Variants in GRM5 observed in about 807,000 individuals in gnomAD.
GRM5 encodes metabotropic glutamate receptor 5.
GRM5 carries 19 observed loss-of-function variants against 83.1 expected under a neutral mutation model. The observed-to-expected ratio is 0.23, with a 90% CI of 0.16 to 0.34. The LOEUF is 0.34. Among genes scored for constraint, GRM5 ranks in the 10% least tolerant of loss-of-function variants. The pLI is 1.00. For synonymous variants in GRM5, 675 were observed against 633.6 expected (o/e 1.07, Z -0.98); for missense variants, 1,160 against 1,588.3 (o/e 0.73, Z 4.58).
intron 9 of GRM5, among the ~76,000 whole-genome samples, chr11:88,521,597 T>G: frequency 6.6e-6 from 1 of 152,296 alleles, no homozygotes; most frequent in East Asian, 1.9e-4. Flanking sequence ...CACCTCCCTG[T>G]TTAGGACTCT....
chr11:88,879,756 T>G (rs1944920897), intron 2 of GRM5, among the ~76,000 whole-genome samples: 1 of 152,086 alleles, frequency 6.6e-6, no homozygotes, highest in African/African-American at 2.4e-5. Context: ...GATGAAATGA[T>G]CAGTATGGCA....
chr11:88,621,316 A>T (rs1413035971), intron 4 of GRM5, among the ~76,000 whole-genome samples: 1 of 152,182 alleles, frequency 6.6e-6, no homozygotes, highest in Non-Finnish European at 1.5e-5. Flanking sequence ...TTTCCTGAAG[A>T]TGTGGCTTTC....
intron 2 of GRM5, among the ~76,000 whole-genome samples, chr11:89,031,600 A>T (rs1006050993): frequency 6.6e-6 from 1 of 152,014 alleles, no homozygotes; most frequent in African/African-American, 2.4e-5. Context: ...GAAAAAATGC[A>T]AACAAAAACA....
chr11:88,896,306 G>T (rs548941146), intron 2 of GRM5, among the ~76,000 whole-genome samples: 32 of 151,744 alleles, frequency 2.1e-4, no homozygotes, highest in Admixed American at 2.0e-3. Flanking sequence ...AAAGGGAAAG[G>T]CATCGTATCA....
chr11:88,787,670 G>C (rs896690450), intron 3 of GRM5, among the ~76,000 whole-genome samples: 6 of 152,042 alleles, frequency 3.9e-5, no homozygotes, highest in Non-Finnish European at 4.4e-5. Context: ...GTGATGCATG[G>C]ATATGTTTAA....
intron 3 of GRM5, among the ~76,000 whole-genome samples, chr11:88,814,546 T>C (rs1462530062): frequency 6.6e-6 from 1 of 152,188 alleles, no homozygotes; most frequent in African/African-American, 2.4e-5. Context: ...CAGAAGACTA[T>C]TGCCTCTGCA....
chr11:88,567,876 T>C lies in GRM5; in HGVS notation c.1807A>G (p.Ile603Val). The C allele has an allele frequency of 6.2e-7, 1 of 1,613,760 alleles. No homozygotes were observed. Among genetic ancestry groups the C allele is most frequent in the Non-Finnish European group, 8.5e-7 (1 of 1,179,692 alleles). The part of the protein sequence containing the change: ...ATLFVTVVFI[I>V]YRDTPVVKSS... ...TTGACTACTGGTGTATCACGGTAAA[T>C]GATGAAGACTACAGTAACAAACAGG... The change falls in exon 8 of 10, where the codon ATT becomes GTT. Residue 603 changes from isoleucine (I) to valine (V), a missense_variant. This residue lies in a region of GRM5 where 132 missense variants were observed against 245.5 expected (regional missense o/e 0.54). Coordinates refer to ENST00000305447, the MANE Select transcript of GRM5 (RefSeq NM_001143831.3). The surrounding 1 kb of genome is among the most constrained non-coding windows in gnomAD (Gnocchi z 7.3).
At position 88,898,634 on chromosome 11, in the gene GRM5, TAC is replaced by T. The variant is rs994027658; in HGVS notation, c.662-48481_662-48480del. Among the ~76,000 whole-genome samples the T allele has an allele frequency of 1.6e-4, 24 of 151,076 alleles. No homozygotes were observed. The South Asian group carries it at 3.1e-3, about 20-fold the overall frequency. On this transcript the variant is annotated intron_variant, in intron 2 of 9. Transcript: ENST00000305447. ...GTTATCCAGTCATATGTGTCATATA[TAC>T]ACACACACACACACATAAACACACA...
chr11:88,825,393 T>C (rs1943878483), intron 3 of GRM5, among the ~76,000 whole-genome samples: 1 of 152,204 alleles, frequency 6.6e-6, no homozygotes, highest in Admixed American at 6.5e-5. Flanking sequence ...AGGGGTACTA[T>C]ATTTACATTA....
intron 3 of GRM5, among the ~76,000 whole-genome samples, chr11:88,681,564 C>CATTTTTTTTTTTTTTT (rs1565184289): frequency 5.2e-5 from 1 of 19,346 alleles, no homozygotes; most frequent in Non-Finnish European, 1.4e-4. Context: ...TTGAGTTCTT[C>CATTTTTTTTTTTTTTT]CTTTTTTTTT....
chr11:88,726,846 T>G (rs553798031), intron 3 of GRM5, among the ~76,000 whole-genome samples: 1 of 152,152 alleles, frequency 6.6e-6, no homozygotes, highest in African/African-American at 2.4e-5. Flanking sequence ...TGCTGAGAGA[T>G]GTTGTCATCA....
At chr11:88,645,493 C>G (rs1010082364) in intron 4 of GRM5, among the ~76,000 whole-genome samples, 1 of 151,988 alleles carries the variant, frequency 6.6e-6, no homozygotes, top group East Asian at 1.9e-4. Context: ...ATGGTGGGAA[C>G]ACAGATTTCA....
chr11:88,987,492 C>A (rs1439503281), intron 2 of GRM5, among the ~76,000 whole-genome samples: 5 of 146,576 alleles, frequency 3.4e-5, no homozygotes. Flanking sequence ...GAAGCTCGAA[C>A]TGGGTGGAGC....
chr11:88,618,679 T>C (rs1938550947), intron 4 of GRM5, among the ~76,000 whole-genome samples: 1 of 152,120 alleles, frequency 6.6e-6, no homozygotes, highest in African/African-American at 2.4e-5. Flanking sequence ...AGGAGTTTCA[T>C]CTTCTTAGGC....
intron 3 of GRM5, among the ~76,000 whole-genome samples, chr11:88,818,346 T>A (rs903065121): frequency 2.0e-5 from 3 of 152,102 alleles, no homozygotes; most frequent in Admixed American, 2.0e-4. Flanking sequence ...AATGCCTCCA[T>A]TCTGTACAAA....
chr11:88,857,755 A>G (rs1376516937), intron 2 of GRM5, among the ~76,000 whole-genome samples: 1 of 152,116 alleles, frequency 6.6e-6, no homozygotes, highest in East Asian at 1.9e-4. Context: ...CATTGTATAT[A>G]CTTATTTTTA....
At chr11:88,783,941 C>A (rs1415952885) in intron 3 of GRM5, among the ~76,000 whole-genome samples, 2 of 151,872 alleles carry the variant, frequency 1.3e-5, no homozygotes, top group Admixed American at 1.3e-4. Flanking sequence ...TCCTTCTGTA[C>A]AAAGAAGAAA....
chr11:88,786,940 T>A (rs1210254208), intron 3 of GRM5, among the ~76,000 whole-genome samples: 1 of 152,110 alleles, frequency 6.6e-6, no homozygotes, highest in African/African-American at 2.4e-5. Context: ...ACTGAAATAA[T>A]GTATGTATTA....
At position 88,567,707 on chromosome 11, in the gene GRM5, T is replaced by C; in HGVS notation, c.1976A>G (p.Tyr659Cys). ...IGIGLSPAMSYSALVTKTNRI... is the reference protein window; with the variant it reads ...IGIGLSPAMSCSALVTKTNRI... ...GTTGGTCTTTGTTACAAGGGCTGAG[T>C]AGCTCATGGCTGGGGAGAGACCAAT... The change falls in exon 8 of 10, where the codon TAC (tyrosine) becomes TGC (cysteine). Residue 659 changes from tyrosine to cysteine, a missense_variant. Coordinates refer to ENST00000305447, the MANE Select transcript of GRM5 (RefSeq NM_001143831.3). The surrounding 1 kb of genome is among the most constrained non-coding windows in gnomAD (Gnocchi z 7.3). 1.2e-6 allele frequency: 2 copies of C among 1,614,064 alleles called. No homozygotes were observed. Among genetic ancestry groups the C allele is most frequent in the Non-Finnish European group, 1.7e-6 (2 of 1,179,976 alleles).
Sources: allele counts gnomAD v4.1 joint callset (sites outside exome capture counted in the v4.1 genomes callset), GRCh38; gene constraint gnomAD v4.1.1; regional missense constraint gnomAD v4.1.1; non-coding constraint Gnocchi (gnomAD v3.1); transcripts MANE v1.5; gene names NCBI Gene and HGNC (gene_info 2026-07-23, HGNC 2026-07-21).